The following PDK1 variants were observed in gnomAD, a reference collection of about 807,000 sequenced individuals.
The protein encoded by PDK1 is [Pyruvate dehydrogenase (acetyl-transferring)] kinase isozyme 1, mitochondrial.
In PDK1, 39 loss-of-function variants were observed where a neutral mutation model predicts 54.2. The observed-to-expected ratio is 0.72, with a 90% CI of 0.56 to 0.94. The LOEUF is 0.94. Ranked by LOEUF, PDK1 falls within the 40% of genes least tolerant of loss-of-function variation. The probability of loss-of-function intolerance (pLI) is 0.00; values close to 1 mark genes in which losing one functional copy is unlikely to be tolerated. For synonymous variants in PDK1, 221 were observed against 207.1 expected (o/e 1.07, Z -0.58); for missense variants, 552 against 566.0 (o/e 0.98, Z 0.25).
At chr2:172,562,729 T>G in intron 3 of PDK1, 1 of 1,455,778 alleles carries the variant, frequency 6.9e-7, no homozygotes, top group Non-Finnish European at 9.6e-7. Context: ...TAAAACATTT[T>G]TTAAAACACA....
At chr2:172,700,903 C>G in the PDK1 span, among the ~76,000 whole-genome samples, 1 of 151,926 alleles carries the variant, frequency 6.6e-6, no homozygotes, top group African/African-American at 2.4e-5. Flanking sequence ...CTCCGCATGC[C>G]GAGGCAGGAG....
chr2:172,631,419 G>C, the PDK1 span, among the ~76,000 whole-genome samples: 1 of 152,162 alleles, frequency 6.6e-6, no homozygotes. Flanking sequence ...AACCTTCTCT[G>C]CTTGTGCATG....
chr2:172,560,677 A>G (rs1688609939), intron 2 of PDK1, among the ~76,000 whole-genome samples: 1 of 152,238 alleles, frequency 6.6e-6, no homozygotes, highest in Non-Finnish European at 1.5e-5. Flanking sequence ...ATAAATTACA[A>G]AAGTTAAAAT....
chr2:172,659,159 C>A, the PDK1 span, among the ~76,000 whole-genome samples: 1 of 152,146 alleles, frequency 6.6e-6, no homozygotes, highest in Non-Finnish European at 1.5e-5. Context: ...CCCTTAGCAG[C>A]CCAGCTGTAA....
chr2:172,699,544 G>A, the PDK1 span, among the ~76,000 whole-genome samples: 2 of 139,412 alleles, frequency 1.4e-5, no homozygotes, highest in Non-Finnish European at 3.0e-5. Flanking sequence ...GATTGTTATT[G>A]CATAAGACCA....
chr2:172,557,083 G>T (rs963331036), intron 1 of PDK1, among the ~76,000 whole-genome samples: 1 of 152,176 alleles, frequency 6.6e-6, no homozygotes, highest in Non-Finnish European at 1.5e-5. Context: ...TGAGTACAAA[G>T]GTTATCTTCT....
At chr2:172,636,448 G>A in the PDK1 span, among the ~76,000 whole-genome samples, 4 of 152,016 alleles carry the variant, frequency 2.6e-5, 1 homozygote, top group South Asian at 8.3e-4. Context: ...AGCCGGGCGC[G>A]ATGGCTCATG....
the PDK1 span, among the ~76,000 whole-genome samples, chr2:172,704,081 T>C: frequency 6.6e-6 from 1 of 152,148 alleles, no homozygotes; most frequent in Non-Finnish European, 1.5e-5. Context: ...GCCTACTTTT[T>C]CTCTTGTAAT....
At chr2:172,683,043 C>T in the PDK1 span, among the ~76,000 whole-genome samples, 1 of 151,870 alleles carries the variant, frequency 6.6e-6, no homozygotes, top group South Asian at 2.1e-4. Context: ...GGGTTGTGTG[C>T]TTTTTAAAAA....
chr2:172,622,602 T>TATATTATGTGAGATGTTTATATCTC, the PDK1 span, among the ~76,000 whole-genome samples: 2 of 144,346 alleles, frequency 1.4e-5, no homozygotes, highest in African/African-American at 5.4e-5. Context: ...TTATATCTCA[T>TATATTATGTGAGATGTTTATATCTC]ATATTATGTG....
intron 2 of PDK1, among the ~76,000 whole-genome samples, chr2:172,560,129 GC>G (rs1688577058): frequency 6.6e-6 from 1 of 152,186 alleles, no homozygotes; most frequent in Admixed American, 6.5e-5. Context: ...ATGGGCATGA[GC>G]CATTGTGTCT....
At chr2:172,638,884 A>G in the PDK1 span, among the ~76,000 whole-genome samples, 1 of 152,228 alleles carries the variant, frequency 6.6e-6, no homozygotes, top group Admixed American at 6.5e-5. Context: ...TAAAAATGGC[A>G]TCACACCATA....
chr2:172,581,670 T>G (rs1268493252), intron 8 of PDK1, among the ~76,000 whole-genome samples: 1 of 152,218 alleles, frequency 6.6e-6, no homozygotes, highest in Admixed American at 6.5e-5. Context: ...TTGCTTTTTC[T>G]TCAGTCGAGC....
At chr2:172,694,256 G>A in the PDK1 span, among the ~76,000 whole-genome samples, 1 of 152,200 alleles carries the variant, frequency 6.6e-6, no homozygotes, top group Non-Finnish European at 1.5e-5. Flanking sequence ...CTGCCCTAAT[G>A]CAATGTCCAT....
At chr2:172,614,475 GTACTCTAC>G in the PDK1 span, among the ~76,000 whole-genome samples, 2 of 152,240 alleles carry the variant, frequency 1.3e-5, no homozygotes, top group African/African-American at 4.8e-5. Context: ...GCAGAGAGGA[GTACTCTAC>G]TGATAACTGG....
the PDK1 span, among the ~76,000 whole-genome samples, chr2:172,668,926 GA>G: frequency 1.3e-4 from 19 of 146,472 alleles, no homozygotes; most frequent in Admixed American, 1.2e-3. Context: ...GAGAGAGAGA[GA>G]GAGAGAGAGA....
intron 2 of PDK1, among the ~76,000 whole-genome samples, chr2:172,560,417 C>T (rs1297676852): frequency 6.6e-6 from 1 of 152,216 alleles, no homozygotes; most frequent in Non-Finnish European, 1.5e-5. Context: ...GTCCTCTCAC[C>T]TTGGCTTCAC....
the PDK1 span, among the ~76,000 whole-genome samples, chr2:172,618,523 C>T: frequency 5.3e-5 from 8 of 151,332 alleles, no homozygotes; most frequent in East Asian, 1.2e-3. Flanking sequence ...GAACTGAAGC[C>T]AAAGATGAAT....
the PDK1 span, among the ~76,000 whole-genome samples, chr2:172,688,527 C>T: frequency 6.6e-6 from 1 of 152,160 alleles, no homozygotes; most frequent in African/African-American, 2.4e-5. Flanking sequence ...CTCTTGGTAG[C>T]ACTTGTGTTA....
Sources: gnomAD v4.1 joint callset for allele counts (sites outside exome capture counted in the v4.1 genomes callset) on GRCh38, gnomAD v4.1.1 for gene constraint, MANE v1.5 for transcripts, NCBI Gene and HGNC (gene_info 2026-07-23, HGNC 2026-07-21) for gene names.